NDST3: variants seen among roughly 807,000 people sequenced by gnomAD.
NDST3 encodes bifunctional heparan sulfate N-deacetylase/N-sulfotransferase 3.
In NDST3, 58 loss-of-function variants were observed where a neutral mutation model predicts 96.1. The ratio of observed to expected loss-of-function variants is 0.60; its 90% CI spans 0.49 to 0.75. NDST3 has a LOEUF of 0.75. NDST3 is among the 30% of genes least tolerant of loss of function. The pLI is 0.00. For synonymous variants in NDST3, 333 were observed against 359.7 expected, an observed-to-expected ratio of 0.93 and a Z score of 0.84; for missense variants, 788 against 1,034.2, an observed-to-expected ratio of 0.76 and a Z score of 3.27.
chr4:118,072,660 T>A (rs950366905), intron 2 of NDST3, among the ~76,000 whole-genome samples: 2 of 152,164 alleles, frequency 1.3e-5, no homozygotes, highest in African/African-American at 2.4e-5. Context: ...TATAAAATTA[T>A]ATCATCTGCA....
At chr4:118,250,674 G>T (rs957240415) in intron 12 of NDST3, among the ~76,000 whole-genome samples, 2 of 152,082 alleles carry the variant, frequency 1.3e-5, no homozygotes, top group African/African-American at 4.8e-5. Flanking sequence ...AGTAGAGACA[G>T]GGTTTCTCCA....
At chr4:118,211,232 G>C (rs1424201351) in intron 6 of NDST3, among the ~76,000 whole-genome samples, 1 of 152,140 alleles carries the variant, frequency 6.6e-6, no homozygotes, top group Non-Finnish European at 1.5e-5. Context: ...TCACCTAAGA[G>C]ATTAGGGAGG....
rs144084292 is a variant in NDST3 at position 118,207,640 on chromosome 4, G to A, written c.1540-16851G>A. 2.2e-4 allele frequency among the ~76,000 whole-genome samples: 32 copies of A among 144,770 alleles called. 3 individuals carry two copies. The East Asian group carries it at 5.3e-3, about 24-fold the overall frequency. 95.0% of individuals were successfully genotyped at this position (144,770 alleles called of 152,430 possible). A position where few individuals can be genotyped will look rare whatever the true frequency, so the allele number is the denominator to read the frequency against. On this transcript the variant is annotated intron_variant, in intron 6 of 13. Coordinates refer to ENST00000296499, the MANE Select transcript of NDST3 (RefSeq NM_004784.3). The stretch of plus-strand genomic sequence containing the variant: ...GTATAGACAATTGCCTTCACAGCTG[G>A]AAGTGCCCTCTTCCTCCCTCACCAG...
chr4:118,114,966 TA>T lies in NDST3; in HGVS notation c.1224+8del, dbSNP rs1302414222. 1 of 1,613,800 alleles carries T rather than the reference TA, an allele frequency of 6.2e-7. No individual in the cohort carries two copies. Among genetic ancestry groups the T allele is most frequent in the South Asian group, 1.1e-5 (1 of 91,074 alleles). On this transcript the variant is annotated splice_region_variant and intron_variant, in intron 4 of 13. Transcript: ENST00000296499. ...TCAACAAAAAATTTGCCTTAGTAAG[TA>T]ACTCACTTTGTTGCATTGAAGTAGT...
intron 6 of NDST3, among the ~76,000 whole-genome samples, chr4:118,153,282 T>G (rs965050093): frequency 2.6e-5 from 4 of 152,196 alleles, no homozygotes; most frequent in Non-Finnish European, 5.9e-5. Flanking sequence ...CCACTTGGAA[T>G]GCAAGTTCCA....
chr4:118,199,028 A>G (rs1445979442), intron 6 of NDST3, among the ~76,000 whole-genome samples: 1 of 152,028 alleles, frequency 6.6e-6, no homozygotes, highest in Non-Finnish European at 1.5e-5. Context: ...GCCTTGAGTT[A>G]GTCTTCTTTG....
At chr4:118,186,347 T>C (rs761218095) in intron 6 of NDST3, among the ~76,000 whole-genome samples, 1 of 152,126 alleles carries the variant, frequency 6.6e-6, no homozygotes, top group African/African-American at 2.4e-5. Context: ...ACTAATAAGA[T>C]AGATGCATAT....
At chr4:118,049,146 G>A (rs1358536077) in intron 1 of NDST3, among the ~76,000 whole-genome samples, 10 of 152,038 alleles carry the variant, frequency 6.6e-5, no homozygotes, top group Admixed American at 5.9e-4. Context: ...CAAAGTTAAG[G>A]CAGAAACCAA....
chr4:118,074,473 T>C (rs899705562), intron 2 of NDST3, among the ~76,000 whole-genome samples: 1 of 152,220 alleles, frequency 6.6e-6, no homozygotes, highest in African/African-American at 2.4e-5. Context: ...TCCTGTTGAA[T>C]TGAACCTTTT....
At chr4:118,228,255 C>T (rs546425643) in intron 8 of NDST3, among the ~76,000 whole-genome samples, 2 of 152,170 alleles carry the variant, frequency 1.3e-5, no homozygotes, top group Admixed American at 6.5e-5. Context: ...TTGTCCTTAT[C>T]TATCTAAAGT....
Position 118,138,408 on chromosome 4 carries a change from C to A in NDST3, c.1410+169C>A, listed in dbSNP as rs75071387. Among the ~76,000 whole-genome samples, 40 of 152,342 alleles carry A rather than the reference C, an allele frequency of 2.6e-4. No homozygotes were observed. In the East Asian group the frequency reaches 7.3e-3, roughly 28 times the overall value. On this transcript the variant is annotated intron_variant, in intron 5 of 13. Coordinates refer to ENST00000296499, the MANE Select transcript of NDST3 (RefSeq NM_004784.3). ...GAAAATGTTTTAATTAAAATCACTT[C>A]TTTTCAATTCTTCAAATATAACTGA...
intron 2 of NDST3, among the ~76,000 whole-genome samples, chr4:118,081,936 T>G (rs1170230116): frequency 6.6e-6 from 1 of 152,158 alleles, no homozygotes; most frequent in Non-Finnish European, 1.5e-5. Context: ...GTACCAATGC[T>G]CATTTTCAAG....
chr4:118,098,470 G>A (rs1019519424), intron 2 of NDST3, among the ~76,000 whole-genome samples: 1 of 151,880 alleles, frequency 6.6e-6, no homozygotes, highest in Admixed American at 6.6e-5. Flanking sequence ...TGAATACTTC[G>A]TGATGGTAGC....
At chr4:118,221,462 A>G (rs553157334) in intron 6 of NDST3, among the ~76,000 whole-genome samples, 11 of 152,112 alleles carry the variant, frequency 7.2e-5, no homozygotes, top group Non-Finnish European at 4.4e-5. Context: ...CCTTCTCTAA[A>G]GAAAGAGAAT....
intron 1 of NDST3, among the ~76,000 whole-genome samples, chr4:118,047,602 C>T (rs1724844185): frequency 6.6e-6 from 1 of 152,050 alleles, no homozygotes; most frequent in South Asian, 2.1e-4. Flanking sequence ...TTTCATAATA[C>T]AATTAGAAGT....
intron 4 of NDST3, among the ~76,000 whole-genome samples, chr4:118,121,322 T>A (rs1001847398): frequency 6.6e-6 from 1 of 152,188 alleles, no homozygotes; most frequent in African/African-American, 2.4e-5. Context: ...CATCTATTTT[T>A]TCACCAGAAT....
chr4:118,230,939 G>C (rs1171324346), intron 8 of NDST3, among the ~76,000 whole-genome samples: 1 of 151,870 alleles, frequency 6.6e-6, no homozygotes, highest in East Asian at 1.9e-4. Context: ...ATTAAAGAAA[G>C]CTTAATTTAT....
intron 6 of NDST3, among the ~76,000 whole-genome samples, chr4:118,177,255 T>C (rs1736336544): frequency 6.6e-6 from 1 of 152,006 alleles, no homozygotes; most frequent in Admixed American, 6.6e-5. Flanking sequence ...AGGATAGGAT[T>C]CTTAGGATAA....
chr4:118,099,458 C>T (rs1272753004), intron 2 of NDST3, among the ~76,000 whole-genome samples: 1 of 152,092 alleles, frequency 6.6e-6, no homozygotes, highest in African/African-American at 2.4e-5. Flanking sequence ...AGGACAAATA[C>T]AGTTTCTACA....
Sources: gnomAD v4.1 joint callset for allele counts (sites outside exome capture counted in the v4.1 genomes callset) on GRCh38, gnomAD v4.1.1 for gene constraint, MANE v1.5 for transcripts, NCBI Gene and HGNC (gene_info 2026-07-23, HGNC 2026-07-21) for gene names.